The following CAMSAP1 variants were observed in gnomAD, a reference collection of about 807,000 sequenced individuals.
CAMSAP1 encodes calmodulin regulated spectrin associated protein 1.
A neutral mutation model predicts 143.5 loss-of-function variants in CAMSAP1; 58 were observed. That is an observed-to-expected ratio of 0.40 (90% CI 0.33 to 0.50). The LOEUF is 0.50. Ranked by LOEUF, CAMSAP1 falls within the 20% of genes least tolerant of loss-of-function variation. CAMSAP1 has a pLI of 0.45. For missense variants in CAMSAP1, 1,969 were observed against 2,115.7 expected (o/e 0.93, Z 1.36); for synonymous variants, 945 against 859.3 (o/e 1.10, Z -1.74).
chr9:135,903,089 CCT>C (rs1838666529), intron 1 of CAMSAP1, among the ~76,000 whole-genome samples: 1 of 152,162 alleles, frequency 6.6e-6, no homozygotes, highest in Admixed American at 6.5e-5. Context: ...GGCCTAGATA[CCT>C]CTGAGTTTCC....
chr9:135,837,395 C>T (rs1269983110), intron 7 of CAMSAP1, among the ~76,000 whole-genome samples: 2 of 147,766 alleles, frequency 1.4e-5, no homozygotes, highest in Non-Finnish European at 1.5e-5. Flanking sequence ...GCACTTTCTG[C>T]CCGTTGTACA....
Position 135,883,011 on chromosome 9 carries a change from C to T in CAMSAP1, c.228G>A (p.Pro76=), listed in dbSNP as rs763799927. The change falls in exon 2 of 17, where the codon CCG becomes CCA. Residue 76 remains proline (P), a synonymous_variant. Coordinates refer to ENST00000389532, the MANE Select transcript of CAMSAP1 (RefSeq NM_015447.4). ...TGGACAGGAGAAGCTTGATAACAGG[C>T]GGCTTAATGTGCTCCTGCTCATACT... The part of the protein sequence containing the change: ...VDQYEQEHIK[P]PVIKLLLSSE... The T allele has an allele frequency of 4.6e-5, 71 of 1,551,576 alleles. No individual in the cohort carries two copies. Among genetic ancestry groups the T allele is most frequent in the Middle Eastern group, 1.7e-4 (1 of 6,012 alleles).
rs1425937429 is a variant in CAMSAP1 at position 135,810,987 on chromosome 9, G to A, written c.*322C>T. On this transcript the variant is annotated 3_prime_UTR_variant, in exon 17 of 17. Coordinates refer to ENST00000389532, the MANE Select transcript of CAMSAP1 (RefSeq NM_015447.4). ...GGAGAACTTCAAGTAAGGGAGCTCC[G>A]TGGCCCGGGACCTGGCTGTGAACAC... 11 of 365,012 alleles carry A rather than the reference G, an allele frequency of 3.0e-5. No homozygotes were observed. Among genetic ancestry groups the A allele is most frequent in the East Asian group, 1.7e-4 (3 of 17,596 alleles). 22.6% of individuals were successfully genotyped at this position (365,012 alleles called of 1,614,324 possible). A position where few individuals can be genotyped will look rare whatever the true frequency, so the allele number is the denominator to read the frequency against.
chr9:135,841,018 A>C (rs962743320), intron 7 of CAMSAP1, among the ~76,000 whole-genome samples: 1 of 152,138 alleles, frequency 6.6e-6, no homozygotes, highest in Non-Finnish European at 1.5e-5. Flanking sequence ...TCCCCTGGAA[A>C]GGGTGCTGAA....
At position 135,873,562 on chromosome 9, in the gene CAMSAP1, GA is replaced by G. The variant is rs1274280102; in HGVS notation, c.586-7027del. 2.0e-5 allele frequency among the ~76,000 whole-genome samples: 3 copies of G among 152,124 alleles called. No homozygotes were observed. The East Asian group carries it at 5.8e-4, about 29-fold the overall frequency. On this transcript the variant is annotated intron_variant, in intron 3 of 16. Coordinates refer to ENST00000389532, the MANE Select transcript of CAMSAP1 (RefSeq NM_015447.4). ...CTAATCAAGGTAAAGAAAAATGAAA[GA>G]AATTGCCAACCTCAGGAAACAAACA...
chr9:135,906,615 G>T (rs1056233948), intron 1 of CAMSAP1, among the ~76,000 whole-genome samples: 1 of 152,372 alleles, frequency 6.6e-6, no homozygotes, highest in Non-Finnish European at 1.5e-5. Flanking sequence ...TCCAGCACTG[G>T]ACGATGCCCG....
intron 7 of CAMSAP1, among the ~76,000 whole-genome samples, chr9:135,848,058 G>A (rs1195032425): frequency 6.6e-6 from 1 of 151,008 alleles, no homozygotes; most frequent in Admixed American, 6.6e-5. Context: ...TACCTTAAAT[G>A]CAAGAAGAAT....
chr9:135,817,976 C>G lies in CAMSAP1; in HGVS notation c.4271+1G>C. Reference sequence around the variant, plus strand: ...GCCGGCGGCCGTCTCAGGCCCCTTACCGCTGAGAGGGTGTGCCCCCGGAAT... The same window carrying G: ...GCCGGCGGCCGTCTCAGGCCCCTTAGCGCTGAGAGGGTGTGCCCCCGGAAT... On this transcript the variant is annotated splice_donor_variant, in intron 14 of 16. Transcript: ENST00000389532. LOFTEE classifies it high-confidence loss of function. The G allele has an allele frequency of 6.2e-7, 1 of 1,613,786 alleles. No individual in the cohort carries two copies. Among genetic ancestry groups the G allele is most frequent in the South Asian group, 1.1e-5 (1 of 91,076 alleles).
intron 5 of CAMSAP1, among the ~76,000 whole-genome samples, chr9:135,851,341 C>A (rs1162659461): frequency 1.1e-4 from 17 of 152,182 alleles, no homozygotes; most frequent in Non-Finnish European, 2.5e-4. Context: ...GGAGCCACAG[C>A]ATCCAGAGTC....
At chr9:135,892,256 G>A (rs536840803) in intron 1 of CAMSAP1, among the ~76,000 whole-genome samples, 14 of 152,162 alleles carry the variant, frequency 9.2e-5, no homozygotes, top group African/African-American at 2.2e-4. Context: ...AAACAGGCCC[G>A]CAGGACCCCA....
At chr9:135,839,237 A>G (rs943698527) in intron 7 of CAMSAP1, among the ~76,000 whole-genome samples, 1 of 152,070 alleles carries the variant, frequency 6.6e-6, no homozygotes, top group African/African-American at 2.4e-5. Flanking sequence ...ATGAGTCCCT[A>G]TTTCTAGCTA....
At chr9:135,819,260 G>T in intron 11 of CAMSAP1, 114 bp from the exon 12 acceptor site, 1 of 1,327,454 alleles carries the variant, frequency 7.5e-7, no homozygotes, top group Non-Finnish European at 1.0e-6. Context: ...AACGCATAAA[G>T]ACTTCTATGC....
At chr9:135,816,761 T>C (rs932901101) in intron 14 of CAMSAP1, among the ~76,000 whole-genome samples, 4 of 151,870 alleles carry the variant, frequency 2.6e-5, no homozygotes, top group Non-Finnish European at 5.9e-5. Context: ...GCTGTGCATA[T>C]AAAAATAAAG....
rs767352022 is a variant in CAMSAP1 at position 135,822,399 on chromosome 9, A to G, written c.2262T>C (p.Gly754=). 3 of 1,613,764 alleles carry G rather than the reference A, an allele frequency of 1.9e-6. No individual in the cohort carries two copies. The African/African-American group carries it at 4.0e-5, about 22-fold the overall frequency. The part of the protein sequence containing the change: ...DIEEAEHDFM[G]EAHPVVFSRY... ...TGCTGAAAACCACAGGATGGGCCTC[A>G]CCCATGAAATCGTGCTCGGCTTCCT... is the stretch of plus-strand genomic sequence containing the variant. Residue 754 remains glycine, a synonymous_variant, in exon 11 of 17, where the codon GGT becomes GGC. Coordinates refer to ENST00000389532, the MANE Select transcript of CAMSAP1 (RefSeq NM_015447.4). The surrounding 1 kb of genome is among the most constrained non-coding windows in gnomAD (Gnocchi z 6.1).
chr9:135,883,029 C>T lies in CAMSAP1; in HGVS notation c.210G>A (p.Glu70=). 1 of 1,551,694 alleles carries T rather than the reference C, an allele frequency of 6.4e-7. No individual in the cohort carries two copies. Among genetic ancestry groups the T allele is most frequent in the Non-Finnish European group, 8.7e-7 (1 of 1,147,000 alleles). The change falls in exon 2 of 17, where the codon GAG becomes GAA. Residue 70 remains glutamate, a synonymous_variant. Coordinates refer to ENST00000389532, the MANE Select transcript of CAMSAP1 (RefSeq NM_015447.4). ...LRDPFYVDQY[E]QEHIKPPVIK... Reference sequence around the variant, plus strand: ...TAACAGGCGGCTTAATGTGCTCCTGCTCATACTGGTCAACGTAGAAAGGGT... The same window carrying T: ...TAACAGGCGGCTTAATGTGCTCCTGTTCATACTGGTCAACGTAGAAAGGGT...
chr9:135,826,874 C>T lies in CAMSAP1; in HGVS notation c.1223+533G>A, dbSNP rs561242027. Among the ~76,000 whole-genome samples, 2 of 152,298 alleles carry T rather than the reference C, an allele frequency of 1.3e-5. No individual in the cohort carries two copies. Among genetic ancestry groups the T allele is most frequent in the Admixed American group, 1.3e-4 (2 of 15,298 alleles). On this transcript the variant is annotated intron_variant, in intron 8 of 16. Coordinates refer to ENST00000389532, the MANE Select transcript of CAMSAP1 (RefSeq NM_015447.4). The surrounding 1 kb of genome is among the most constrained non-coding windows in gnomAD (Gnocchi z 4.4). ...GATATGGTTATCCAAATTAGGTCTT[C>T]ATGATGAAAATTCATTTTAGAAAAA...
chr9:135,902,355 C>T (rs541952292), intron 1 of CAMSAP1, among the ~76,000 whole-genome samples: 2 of 152,334 alleles, frequency 1.3e-5, no homozygotes, highest in African/African-American at 4.8e-5. Flanking sequence ...CAAGAGCAGC[C>T]TCTTCACACC....
chr9:135,834,482 A>C (rs1195670947), intron 7 of CAMSAP1, among the ~76,000 whole-genome samples: 1 of 152,248 alleles, frequency 6.6e-6, no homozygotes, highest in African/African-American at 2.4e-5. Flanking sequence ...AAAAAGAAGG[A>C]AGTCTTGTCA....
In CAMSAP1 at chr9:135,821,577, G is replaced by C; in HGVS notation, c.3084C>G (p.Asn1028Lys). ...CCTGCTGCAGCGTACTGATGGTTTC[G>C]TTAAGCTTCTCGATGGAAAGGTCAC... is the stretch of plus-strand genomic sequence containing the variant. ...NECDLSIEKL[N>K]ETISTLQQAI... The change falls in exon 11 of 17, where the codon AAC (asparagine) becomes AAG (lysine). Residue 1028 changes from asparagine to lysine, a missense_variant. Transcript: ENST00000389532. The surrounding 1 kb of genome is among the most constrained non-coding windows in gnomAD (Gnocchi z 4.6). 6.2e-7 allele frequency: 1 copy of C among 1,613,978 alleles called. No individual in the cohort carries two copies.
Sources: gnomAD v4.1 joint callset for allele counts (sites outside exome capture counted in the v4.1 genomes callset) on GRCh38, gnomAD v4.1.1 for gene constraint, Gnocchi (gnomAD v3.1) non-coding constraint, MANE v1.5 for transcripts, NCBI Gene and HGNC (gene_info 2026-07-23, HGNC 2026-07-21) for gene names.